The following KDM4C variants were observed in gnomAD, a reference collection of about 807,000 sequenced individuals.
KDM4C encodes lysine-specific demethylase 4C.
In KDM4C, 81 loss-of-function variants were observed where a neutral mutation model predicts 129.3. The ratio of observed to expected loss-of-function variants is 0.63; its 90% CI spans 0.52 to 0.75. KDM4C has a LOEUF of 0.75. Ranked by LOEUF, KDM4C falls within the 30% of genes least tolerant of loss-of-function variation. The probability of loss-of-function intolerance (pLI) is 0.00; values close to 1 mark genes in which losing one functional copy is unlikely to be tolerated. For missense variants in KDM4C, 1,457 were observed against 1,304.0 expected (o/e 1.12, Z -1.81); for synonymous variants, 573 against 456.1 (o/e 1.26, Z -3.26).
In KDM4C at chr9:7,060,451, GTTGTTATTA is replaced by G. The variant is rs1170512758; in HGVS notation, c.2424+11254_2424+11262del. Among the ~76,000 whole-genome samples the G allele has an allele frequency of 1.6e-3, 219 of 138,276 alleles. 3 individuals carry two copies. The highest frequency in any genetic ancestry group is 3.8e-3 in the Middle Eastern group (1 of 262). The allele number at this position is 138,276 out of a possible 152,430, so 90.7% of individuals were successfully genotyped here. On this transcript the variant is annotated intron_variant, in intron 17 of 21. Coordinates refer to ENST00000381309, the MANE Select transcript of KDM4C (RefSeq NM_015061.6). ...TCAGGGATGACTTTTTAGCAGTATT[GTTGTTATTA>G]TTATTATTATTATTATTATTATTAT... is the stretch of plus-strand genomic sequence containing the variant.
At chr9:6,795,631 C>T (rs188554668) in intron 2 of KDM4C, among the ~76,000 whole-genome samples, 15 of 152,090 alleles carry the variant, frequency 9.9e-5, no homozygotes, top group East Asian at 9.7e-4. Context: ...CGTGCCCGGA[C>T]ATGTATCTTG....
chr9:7,161,417 A>G, intron 19 of KDM4C, among the ~76,000 whole-genome samples: 1 of 151,986 alleles, frequency 6.6e-6, no homozygotes, highest in East Asian at 1.9e-4. Flanking sequence ...TGCATCAATC[A>G]CGCTGAGAGC....
chr9:7,120,789 A>C (rs1409668410), intron 18 of KDM4C, among the ~76,000 whole-genome samples: 1 of 152,190 alleles, frequency 6.6e-6, no homozygotes, highest in East Asian at 1.9e-4. Context: ...ATATTTACTG[A>C]ACTGAAGAAT....
chr9:6,807,539 A>G (rs1401379554), intron 3 of KDM4C, among the ~76,000 whole-genome samples: 2 of 133,366 alleles, frequency 1.5e-5, no homozygotes, highest in Admixed American at 7.3e-5. Context: ...CCGCCGCCCC[A>G]TCTGGGATGT....
chr9:7,077,310 G>A (rs1176035382), intron 17 of KDM4C: 4 of 842,182 alleles, frequency 4.7e-6, no homozygotes, highest in Non-Finnish European at 5.7e-6. Context: ...ACATTGCTTT[G>A]GACATATAGT....
intron 4 of KDM4C, among the ~76,000 whole-genome samples, chr9:6,834,142 G>C (rs886950551): frequency 6.7e-6 from 1 of 148,422 alleles, no homozygotes; most frequent in Non-Finnish European, 1.5e-5. Flanking sequence ...GGGTTCAAGC[G>C]GTTCTGGTGC....
intron 5 of KDM4C, among the ~76,000 whole-genome samples, chr9:6,876,976 G>A (rs980884114): frequency 3.3e-5 from 5 of 152,280 alleles, no homozygotes; most frequent in Admixed American, 3.3e-4. Context: ...TCTTAGATAT[G>A]GTAATTAGAA....
At chr9:6,873,094 T>G (rs1843005985) in intron 5 of KDM4C, among the ~76,000 whole-genome samples, 1 of 152,046 alleles carries the variant, frequency 6.6e-6, no homozygotes, top group South Asian at 2.1e-4. Context: ...ACCTCTTGGG[T>G]TCAAGTGATT....
chr9:6,863,561 C>T (rs908532612), intron 5 of KDM4C, among the ~76,000 whole-genome samples: 5 of 151,826 alleles, frequency 3.3e-5, no homozygotes, highest in African/African-American at 7.3e-5. Context: ...CTTTGGGAGG[C>T]GGAGGTGGGC....
chr9:7,076,854 G>A (rs1306040585), intron 17 of KDM4C: 11 of 1,001,540 alleles, frequency 1.1e-5, no homozygotes, highest in Middle Eastern at 5.0e-4. Flanking sequence ...AGCTTTCCAA[G>A]GTGCATCAGG....
At chr9:7,152,357 C>T (rs1274524788) in intron 19 of KDM4C, among the ~76,000 whole-genome samples, 3 of 152,118 alleles carry the variant, frequency 2.0e-5, no homozygotes, top group East Asian at 1.9e-4. Context: ...GCAAGTAAAA[C>T]AGAGTTTTTA....
At chr9:7,030,290 T>C (rs1344345882) in intron 15 of KDM4C, among the ~76,000 whole-genome samples, 1 of 152,226 alleles carries the variant, frequency 6.6e-6, no homozygotes, top group East Asian at 1.9e-4. Flanking sequence ...GTGACACTGA[T>C]AAATACTGAC....
chr9:6,865,902 C>T (rs534476159), intron 5 of KDM4C, among the ~76,000 whole-genome samples: 37 of 152,254 alleles, frequency 2.4e-4, no homozygotes, highest in Admixed American at 1.5e-3. Flanking sequence ...AGGCGCCCGC[C>T]ACCACCATGC....
chr9:7,140,101 C>T (rs528947061), intron 19 of KDM4C, among the ~76,000 whole-genome samples: 8 of 152,138 alleles, frequency 5.3e-5, no homozygotes, highest in Non-Finnish European at 1.2e-4. Flanking sequence ...AGCTGCTGCT[C>T]ACCAGTTTCA....
At chr9:6,794,350 C>T (rs1042774463) in intron 2 of KDM4C, among the ~76,000 whole-genome samples, 5 of 152,178 alleles carry the variant, frequency 3.3e-5, no homozygotes, top group Non-Finnish European at 5.9e-5. Flanking sequence ...GCAAGTCCAG[C>T]GGCCTGGAGG....
At chr9:7,046,714 T>C (rs1829450190) in intron 15 of KDM4C, 148 bp from the exon 16 acceptor site, 1 of 637,728 alleles carries the variant, frequency 1.6e-6, no homozygotes, top group African/African-American at 1.8e-5. Context: ...TCTTTCTTTT[T>C]GAACTTCTCA....
chr9:6,949,832 G>A (rs1827796117), intron 8 of KDM4C, among the ~76,000 whole-genome samples: 1 of 138,356 alleles, frequency 7.2e-6, no homozygotes, highest in Non-Finnish European at 1.5e-5. Flanking sequence ...GGAGACCGTG[G>A]AGGGAGAGGG....
intron 8 of KDM4C, among the ~76,000 whole-genome samples, chr9:6,895,876 A>T (rs1022167534): frequency 6.6e-6 from 1 of 152,234 alleles, no homozygotes; most frequent in Non-Finnish European, 1.5e-5. Context: ...TGCTTTCTTA[A>T]TTTATACCAT....
Position 6,979,663 on chromosome 9 carries a change from C to T in KDM4C, c.922-1262C>T, listed in dbSNP as rs572985285. Among the ~76,000 whole-genome samples, 79 of 152,226 alleles carry T rather than the reference C, an allele frequency of 5.2e-4. No homozygotes were observed. In the South Asian group the frequency reaches 0.011, roughly 21 times the overall value. On this transcript the variant is annotated intron_variant, in intron 8 of 21. Transcript: ENST00000381309. ...AGAGATTTGGGGGAGACGAAAGTAA[C>T]AGCTATAACGATGGATTATTGTTAG...
Sources: gnomAD v4.1 joint callset for allele counts (sites outside exome capture counted in the v4.1 genomes callset) on GRCh38, gnomAD v4.1.1 for gene constraint, MANE v1.5 for transcripts, NCBI Gene and HGNC (gene_info 2026-07-23, HGNC 2026-07-21) for gene names.